DPYD: variants seen among roughly 807,000 people sequenced by gnomAD.
The protein encoded by DPYD is dihydropyrimidine dehydrogenase [NADP(+)].
A neutral mutation model predicts 116.2 loss-of-function variants in DPYD; 109 were observed. That is an observed-to-expected ratio of 0.94 (90% CI 0.80 to 1.10). The LOEUF (loss-of-function observed/expected upper bound fraction) is 1.10. DPYD is among the 50% of genes least tolerant of loss of function. The pLI, the probability that DPYD is intolerant of heterozygous loss-of-function variation, is 0.00. For missense variants in DPYD, 1,302 were observed against 1,254.5 expected (o/e 1.04, Z -0.57); for synonymous variants, 440 against 432.0 (o/e 1.02, Z -0.23).
chr1:97,324,002 C>G (rs1237224425), intron 16 of DPYD, among the ~76,000 whole-genome samples: 1 of 151,948 alleles, frequency 6.6e-6, no homozygotes, highest in African/African-American at 2.4e-5. Context: ...TTTAACCTCA[C>G]AATCAGAAAA....
intron 2 of DPYD, among the ~76,000 whole-genome samples, chr1:97,839,985 T>C (rs1023830217): frequency 6.6e-6 from 1 of 152,218 alleles, no homozygotes; most frequent in Admixed American, 6.5e-5. Context: ...AGATATTGCC[T>C]ATTCATATCC....
At chr1:97,328,579 A>G (rs1668824143) in intron 16 of DPYD, among the ~76,000 whole-genome samples, 1 of 152,174 alleles carries the variant, frequency 6.6e-6, no homozygotes, top group Non-Finnish European at 1.5e-5. Flanking sequence ...ATAGAAATGT[A>G]CTTAACAGAT....
chr1:97,392,243 G>T (rs1327444149), intron 14 of DPYD, among the ~76,000 whole-genome samples: 1 of 152,042 alleles, frequency 6.6e-6, no homozygotes, highest in South Asian at 2.1e-4. Context: ...TGAGCCTTTG[G>T]TGAATCATAA....
At chr1:97,179,939 G>A (rs748287324) in intron 20 of DPYD, among the ~76,000 whole-genome samples, 5 of 152,028 alleles carry the variant, frequency 3.3e-5, no homozygotes, top group Non-Finnish European at 7.4e-5. Flanking sequence ...AAAGGAGATG[G>A]ATATTTCATC....
At chr1:97,607,697 G>C (rs1655688763) in intron 8 of DPYD, among the ~76,000 whole-genome samples, 1 of 151,906 alleles carries the variant, frequency 6.6e-6, no homozygotes, top group South Asian at 2.1e-4. Context: ...AGGAGGGGTA[G>C]GAAAAAGCGG....
At chr1:97,895,431 G>A (rs2101670763) in intron 1 of DPYD, among the ~76,000 whole-genome samples, 1 of 151,848 alleles carries the variant, frequency 6.6e-6, no homozygotes, top group East Asian at 2.0e-4. Context: ...TACAAATTAA[G>A]TAAATAGAGG....
chr1:97,262,444 T>C (rs1663951098), intron 18 of DPYD, among the ~76,000 whole-genome samples: 1 of 152,078 alleles, frequency 6.6e-6, no homozygotes, highest in Non-Finnish European at 1.5e-5. Flanking sequence ...TTTATCATTA[T>C]TATTCCTAGT....
chr1:97,882,928 A>T (rs993091371), intron 2 of DPYD, among the ~76,000 whole-genome samples: 1 of 152,074 alleles, frequency 6.6e-6, no homozygotes, highest in African/African-American at 2.4e-5. Flanking sequence ...CAAATTTTAA[A>T]GATTTTGAAA....
At chr1:97,533,607 A>T (rs1649794055) in intron 12 of DPYD, among the ~76,000 whole-genome samples, 1 of 152,142 alleles carries the variant, frequency 6.6e-6, no homozygotes, top group Non-Finnish European at 1.5e-5. Flanking sequence ...TCAAGGTGAG[A>T]GTGACGAAGG....
chr1:97,532,127 A>G (rs1167803437), intron 12 of DPYD, among the ~76,000 whole-genome samples: 1 of 152,004 alleles, frequency 6.6e-6, no homozygotes, highest in Non-Finnish European at 1.5e-5. Context: ...GGTTTGGCAT[A>G]TGGTTTTTGC....
At chr1:97,162,348 A>C (rs924491611) in intron 20 of DPYD, among the ~76,000 whole-genome samples, 2 of 152,192 alleles carry the variant, frequency 1.3e-5, no homozygotes, top group Non-Finnish European at 2.9e-5. Flanking sequence ...AGACAAACAG[A>C]GAGCCAAATC....
intron 19 of DPYD, among the ~76,000 whole-genome samples, chr1:97,206,689 A>ATATATAT (rs1659654169): frequency 7.0e-5 from 6 of 85,606 alleles, no homozygotes; most frequent in Non-Finnish European, 8.2e-5. Context: ...TATATATATA[A>ATATATAT]TCTATATGCT....
intron 14 of DPYD, among the ~76,000 whole-genome samples, chr1:97,448,810 C>T (rs1000518887): frequency 6.6e-5 from 10 of 151,840 alleles, no homozygotes; most frequent in South Asian, 2.1e-4. Context: ...AGACGGGTCA[C>T]GATAGTTCCC....
intron 5 of DPYD, among the ~76,000 whole-genome samples, chr1:97,710,824 C>T (rs886538149): frequency 1.3e-5 from 2 of 151,680 alleles, no homozygotes; most frequent in African/African-American, 4.8e-5. Flanking sequence ...CTGTCTGGAA[C>T]AGGGTTAATT....
chr1:97,919,261 T>C (rs1674378017), intron 1 of DPYD, among the ~76,000 whole-genome samples: 1 of 152,180 alleles, frequency 6.6e-6, no homozygotes, highest in African/African-American at 2.4e-5. Flanking sequence ...GCAATCTAGA[T>C]TAAAAGTAAT....
chr1:97,420,506 A>T (rs1674523302), intron 14 of DPYD, among the ~76,000 whole-genome samples: 1 of 151,906 alleles, frequency 6.6e-6, no homozygotes, highest in Admixed American at 6.6e-5. Flanking sequence ...CCACTCAAGG[A>T]TCTTTCCAAA....
chr1:97,241,560 G>A (rs953634082), intron 18 of DPYD, among the ~76,000 whole-genome samples: 4 of 151,948 alleles, frequency 2.6e-5, no homozygotes, highest in Non-Finnish European at 5.9e-5. Context: ...TGACAATGCA[G>A]CAATTACCAA....
chr1:97,716,799 A>G (rs546213485), intron 5 of DPYD, among the ~76,000 whole-genome samples: 34 of 152,110 alleles, frequency 2.2e-4, no homozygotes, highest in Non-Finnish European at 3.8e-4. Flanking sequence ...ATATTCATCA[A>G]TGAATCAGAG....
intron 19 of DPYD, among the ~76,000 whole-genome samples, chr1:97,212,780 A>G (rs2101874539): frequency 6.6e-6 from 1 of 152,258 alleles, no homozygotes; most frequent in Admixed American, 6.5e-5. Flanking sequence ...AGAAATGTCA[A>G]CATAGTGTAC....
Sources: gnomAD v4.1 joint callset for allele counts (sites outside exome capture counted in the v4.1 genomes callset) on GRCh38, gnomAD v4.1.1 for gene constraint, MANE v1.5 for transcripts, NCBI Gene and HGNC (gene_info 2026-07-23, HGNC 2026-07-21) for gene names.